GRIP1: variants seen among roughly 807,000 people sequenced by gnomAD.
The protein encoded by GRIP1 is glutamate receptor-interacting protein 1.
A neutral mutation model predicts 129.9 loss-of-function variants in GRIP1; 45 were observed. The ratio of observed to expected loss-of-function variants is 0.35; its 90% CI spans 0.27 to 0.44. The LOEUF (loss-of-function observed/expected upper bound fraction) is 0.44, where lower values mean the gene tolerates loss of function less well. Ranked by LOEUF, GRIP1 falls within the 20% of genes least tolerant of loss-of-function variation. The probability of loss-of-function intolerance (pLI) is 1.00; values close to 1 mark genes in which losing one functional copy is unlikely to be tolerated. For synonymous variants in GRIP1, 530 were observed against 520.8 expected (o/e 1.02, Z -0.24); for missense variants, 1,196 against 1,396.8 (o/e 0.86, Z 2.29).
intron 1 of GRIP1, among the ~76,000 whole-genome samples, chr12:66,892,157 G>A (rs2464270): frequency 0.88 from 133,652 of 152,020 alleles, 60,854 homozygotes; most frequent in East Asian, 1. Context: ...ATGATAGTAG[G>A]GATGGTGACA....
chr12:66,564,648 G>A (rs1000168590), intron 2 of GRIP1, among the ~76,000 whole-genome samples: 2 of 152,124 alleles, frequency 1.3e-5, no homozygotes, highest in Non-Finnish European at 2.9e-5. Flanking sequence ...ACCCAGTAAT[G>A]GGATGGCTGG....
At chr12:66,608,774 C>T (rs2064658406) in intron 1 of GRIP1, among the ~76,000 whole-genome samples, 1 of 151,954 alleles carries the variant, frequency 6.6e-6, no homozygotes, top group African/African-American at 2.4e-5. Flanking sequence ...ATAGTAACGA[C>T]CACATAGGAT....
intron 5 of GRIP1, among the ~76,000 whole-genome samples, chr12:66,528,886 C>T (rs1424407810): frequency 6.6e-6 from 1 of 151,936 alleles, no homozygotes; most frequent in Non-Finnish European, 1.5e-5. Flanking sequence ...TCTTTACAAC[C>T]AATACATCCA....
chr12:66,353,714 T>C (rs2054344325), intron 23 of GRIP1, 151 bp from the exon 24 acceptor site: 2 of 719,178 alleles, frequency 2.8e-6, no homozygotes, highest in Non-Finnish European at 5.0e-6. Context: ...TCCTGCAGCC[T>C]TTTTTTCCCA....
In GRIP1 at chr12:66,678,853, T is replaced by C; in HGVS notation, c.52A>G (p.Lys18Glu). Residue 18 changes from lysine (K) to glutamate (E), a missense_variant, in exon 1 of 25, where the codon AAA (lysine) becomes GAA (glutamate). Around this residue, in one of 5 missense-constraint regions of GRIP1, gnomAD observed 217 missense variants for 224.8 expected, o/e 0.97. Coordinates refer to ENST00000359742, the MANE Select transcript of GRIP1 (RefSeq NM_001366722.1). ...CRCQILRRLT[K>E]DESPYTKSAS... ...AATAACAAGGAAAGCACGATACCTTTAGTAAGTCGCCTCAGAATTTGACAA... is the reference window on the plus strand; with the variant it reads ...AATAACAAGGAAAGCACGATACCTTCAGTAAGTCGCCTCAGAATTTGACAA... The C allele has an allele frequency of 6.2e-7, 1 of 1,613,234 alleles. No individual in the cohort carries two copies. The highest frequency in any genetic ancestry group is 8.5e-7 in the Non-Finnish European group (1 of 1,179,388).
intron 1 of GRIP1, among the ~76,000 whole-genome samples, chr12:66,856,381 TTAAA>T (rs1403870721): frequency 1.3e-5 from 2 of 152,064 alleles, no homozygotes; most frequent in Non-Finnish European, 2.9e-5. Context: ...TGGGATCTAA[TTAAA>T]CTAAAGAGCT....
At chr12:66,431,399 T>G (rs1487723012) in intron 14 of GRIP1, among the ~76,000 whole-genome samples, 1 of 152,218 alleles carries the variant, frequency 6.6e-6, no homozygotes, top group Non-Finnish European at 1.5e-5. Flanking sequence ...CTTCTTGCTC[T>G]TAATATTTAT....
At chr12:66,814,312 A>G (rs1326655896) in intron 1 of GRIP1, among the ~76,000 whole-genome samples, 7 of 152,070 alleles carry the variant, frequency 4.6e-5, no homozygotes, top group Non-Finnish European at 1.5e-5. Flanking sequence ...GCTCTTGGAG[A>G]TTGGTACATA....
intron 1 of GRIP1, among the ~76,000 whole-genome samples, chr12:66,768,690 T>C (rs778615158): frequency 3.9e-5 from 6 of 152,228 alleles, no homozygotes; most frequent in Non-Finnish European, 8.8e-5. Context: ...AGCTAAACAC[T>C]GGTTATACAC....
chr12:66,562,630 C>T (rs2062579167), intron 2 of GRIP1, among the ~76,000 whole-genome samples: 1 of 152,068 alleles, frequency 6.6e-6, no homozygotes, highest in African/African-American at 2.4e-5. Context: ...CTGAGGAACC[C>T]ATATTTACAG....
At chr12:66,461,251 A>C (rs1049324657) in intron 9 of GRIP1, among the ~76,000 whole-genome samples, 1 of 152,226 alleles carries the variant, frequency 6.6e-6, no homozygotes, top group African/African-American at 2.4e-5. Flanking sequence ...GAGATTACTA[A>C]AGATGCTAAC....
intron 1 of GRIP1, among the ~76,000 whole-genome samples, chr12:66,848,642 A>T (rs1489269564): frequency 6.6e-6 from 1 of 152,176 alleles, no homozygotes; most frequent in Admixed American, 6.5e-5. Context: ...ATTTAGTCAA[A>T]ACTTTAAATA....
chr12:66,766,612 C>T (rs1037744333), intron 1 of GRIP1, among the ~76,000 whole-genome samples: 4 of 152,188 alleles, frequency 2.6e-5, no homozygotes, highest in African/African-American at 4.8e-5. Flanking sequence ...CTGTGAGGAA[C>T]CAAACACACT....
At chr12:66,605,295 G>A (rs7312025) in intron 1 of GRIP1, among the ~76,000 whole-genome samples, 51,210 of 151,884 alleles carry the variant, frequency 0.34, 8,940 homozygotes, top group Non-Finnish European at 0.37. Context: ...TGTTTGGAAC[G>A]TTTTTGGATT....
At chr12:66,859,169 C>A (rs976259626) in intron 1 of GRIP1, among the ~76,000 whole-genome samples, 5 of 151,070 alleles carry the variant, frequency 3.3e-5, no homozygotes, top group Non-Finnish European at 7.4e-5. Context: ...AGAAGCAAAA[C>A]CATTTTTGAC....
At chr12:66,649,786 A>G (rs1162510611) in intron 1 of GRIP1, among the ~76,000 whole-genome samples, 2 of 152,230 alleles carry the variant, frequency 1.3e-5, no homozygotes, top group African/African-American at 2.4e-5. Flanking sequence ...TATGTCAGGA[A>G]GAAGAAACAC....
intron 7 of GRIP1, among the ~76,000 whole-genome samples, chr12:66,484,084 C>T (rs2059886839): frequency 6.6e-6 from 1 of 152,040 alleles, no homozygotes; most frequent in Non-Finnish European, 1.5e-5. Flanking sequence ...TGGTCTCGAT[C>T]TCCTGACCTC....
chr12:66,817,688 C>T (rs1250893693), intron 1 of GRIP1, among the ~76,000 whole-genome samples: 1 of 152,168 alleles, frequency 6.6e-6, no homozygotes, highest in Non-Finnish European at 1.5e-5. Flanking sequence ...ACTGAGATTA[C>T]AGGCATGAGC....
chr12:66,479,797 A>C lies in GRIP1; in HGVS notation c.725-14375T>G, dbSNP rs535520591. Among the ~76,000 whole-genome samples the C allele has an allele frequency of 2.0e-5, 3 of 152,346 alleles. No homozygotes were observed. In the South Asian group the frequency reaches 6.2e-4, roughly 32 times the overall value. On this transcript the variant is annotated intron_variant, in intron 7 of 24. Coordinates refer to ENST00000359742, the MANE Select transcript of GRIP1 (RefSeq NM_001366722.1). ...AATCAATAAATGTAATCCATCACAT[A>C]AACAGAACCAATGACAAAAACCACA...
Sources: allele counts gnomAD v4.1 joint callset (sites outside exome capture counted in the v4.1 genomes callset), GRCh38; gene constraint gnomAD v4.1.1; regional missense constraint gnomAD v4.1.1; transcripts MANE v1.5; gene names NCBI Gene and HGNC (gene_info 2026-07-23, HGNC 2026-07-21).